The following TBC1D22A variants were observed in gnomAD, a reference collection of about 807,000 sequenced individuals.
TBC1D22A encodes the protein putative GTPase activator.
TBC1D22A carries 38 observed loss-of-function variants against 60.2 expected under a neutral mutation model. The ratio of observed to expected loss-of-function variants is 0.63; its 90% CI spans 0.49 to 0.83. The LOEUF (loss-of-function observed/expected upper bound fraction) is 0.83. TBC1D22A is among the 40% of genes least tolerant of loss of function. TBC1D22A has a pLI of 0.00. For missense variants in TBC1D22A, 628 were observed against 701.0 expected, an observed-to-expected ratio of 0.90 and a Z score of 1.18; for synonymous variants, 302 against 281.7, an observed-to-expected ratio of 1.07 and a Z score of -0.72.
At chr22:47,024,689 T>TA (rs1038804046) in intron 10 of TBC1D22A, among the ~76,000 whole-genome samples, 3 of 151,212 alleles carry the variant, frequency 2.0e-5, no homozygotes, top group African/African-American at 7.3e-5. Flanking sequence ...CCCCGTCTCT[T>TA]AAAAAAAAAT....
intron 8 of TBC1D22A, among the ~76,000 whole-genome samples, chr22:46,972,515 T>G (rs2074108968): frequency 6.6e-6 from 1 of 152,138 alleles, no homozygotes; most frequent in Non-Finnish European, 1.5e-5. Context: ...TGGAGAACAT[T>G]GTGCTCAGTG....
intron 12 of TBC1D22A, among the ~76,000 whole-genome samples, chr22:47,127,229 C>CT (rs66495419): frequency 0.021 from 2,210 of 105,468 alleles, 103 homozygotes; most frequent in African/African-American, 0.067. Context: ...TTCTTTTTCT[C>CT]TTTTTTTTTT....
chr22:46,800,103 G>A (rs892092590), intron 4 of TBC1D22A, among the ~76,000 whole-genome samples: 1 of 152,156 alleles, frequency 6.6e-6, no homozygotes, highest in Non-Finnish European at 1.5e-5. Context: ...AGTCTTTAGA[G>A]TGCCCTGTAA....
At chr22:47,157,640 GGCCGT>G (rs2067779205) in intron 12 of TBC1D22A, among the ~76,000 whole-genome samples, 1 of 152,222 alleles carries the variant, frequency 6.6e-6, no homozygotes, top group African/African-American at 2.4e-5. Context: ...AGCTCCGTGT[GGCCGT>G]GCAGTTGCCC....
chr22:47,067,174 G>A (rs34641758), intron 11 of TBC1D22A, among the ~76,000 whole-genome samples: 41,060 of 152,046 alleles, frequency 0.27, 6,158 homozygotes, highest in East Asian at 0.57. Context: ...GCTGAGGCAC[G>A]AGAATCACTT....
At chr22:47,161,808 C>T (rs979420888) in intron 12 of TBC1D22A, among the ~76,000 whole-genome samples, 1 of 152,234 alleles carries the variant, frequency 6.6e-6, no homozygotes, top group African/African-American at 2.4e-5. Flanking sequence ...AGCTCTCTAG[C>T]GTCCGCGAAT....
intron 11 of TBC1D22A, among the ~76,000 whole-genome samples, chr22:47,083,567 G>A (rs967835836): frequency 7.2e-5 from 11 of 152,172 alleles, no homozygotes; most frequent in Admixed American, 1.3e-4. Context: ...AGAGGGCGCC[G>A]TCCTCAGTGA....
chr22:46,992,909 C>A (rs961683262), intron 9 of TBC1D22A, among the ~76,000 whole-genome samples: 5 of 152,046 alleles, frequency 3.3e-5, no homozygotes, highest in Non-Finnish European at 7.3e-5. Flanking sequence ...GCAGAAAAGA[C>A]TTCCCGAGGT....
At chr22:46,913,459 A>T in intron 8 of TBC1D22A, 1 of 1,352,174 alleles carries the variant, frequency 7.4e-7, no homozygotes, top group South Asian at 1.2e-5. Context: ...AGTGAATTTT[A>T]CTGCAGCCCT....
chr22:47,139,205 C>T (rs1468280853), intron 12 of TBC1D22A, among the ~76,000 whole-genome samples: 1 of 152,230 alleles, frequency 6.6e-6, no homozygotes, highest in Non-Finnish European at 1.5e-5. Context: ...GCTCCTGCAG[C>T]GACCAGTCAG....
intron 9 of TBC1D22A, among the ~76,000 whole-genome samples, chr22:46,984,367 A>C (rs1330213065): frequency 3.1e-5 from 1 of 32,612 alleles, no homozygotes; most frequent in Non-Finnish European, 5.2e-5. Flanking sequence ...ACTCCATCTC[A>C]AAAAAAAAAA....
At chr22:46,813,982 C>T (rs1262299133) in intron 4 of TBC1D22A, among the ~76,000 whole-genome samples, 1 of 152,216 alleles carries the variant, frequency 6.6e-6, no homozygotes, top group Non-Finnish European at 1.5e-5. Context: ...CTTCCAGGAG[C>T]CTTGGTGGCG....
At position 47,173,714 on chromosome 22, in the gene TBC1D22A, G is replaced by C. The variant is rs576732383; in HGVS notation, c.*88G>C. On this transcript the variant is annotated 3_prime_UTR_variant, in exon 13 of 13. Transcript: ENST00000337137. ...TGGTAGGCCCCTGTGAGCTGGTCCC[G>C]GGCTGCTAAAAGGCCTTGTGAGGTG... The C allele has an allele frequency of 6.3e-6, 10 of 1,585,536 alleles. No homozygotes were observed. In the South Asian group the frequency reaches 1.1e-4, roughly 18 times the overall value.
chr22:47,170,967 C>T lies in TBC1D22A; in HGVS notation c.1426-2531C>T, dbSNP rs538827268. 1.9e-4 allele frequency among the ~76,000 whole-genome samples: 29 copies of T among 152,298 alleles called. No individual in the cohort carries two copies. The South Asian group carries it at 4.8e-3, about 25-fold the overall frequency. On this transcript the variant is annotated intron_variant, in intron 12 of 12. Coordinates refer to ENST00000337137, the MANE Select transcript of TBC1D22A (RefSeq NM_014346.5). ...ATGGAGAGCGCAGCTCCGGGATGGC[C>T]GGGGGGCCTGCCTCAGTGAGGGTGG... is the stretch of plus-strand genomic sequence containing the variant.
intron 4 of TBC1D22A, among the ~76,000 whole-genome samples, chr22:46,868,181 G>T (rs1042886993): frequency 6.6e-6 from 1 of 152,162 alleles, no homozygotes; most frequent in Non-Finnish European, 1.5e-5. Flanking sequence ...GGGAATAAGT[G>T]TAAGAAAATG....
chr22:46,826,137 T>A (rs1042723396), intron 4 of TBC1D22A, among the ~76,000 whole-genome samples: 1 of 151,724 alleles, frequency 6.6e-6, no homozygotes, highest in Non-Finnish European at 1.5e-5. Flanking sequence ...CACCTTGGCC[T>A]CCCAAAGTGC....
chr22:47,023,219 C>G (rs2062147252), intron 10 of TBC1D22A, among the ~76,000 whole-genome samples: 1 of 151,994 alleles, frequency 6.6e-6, no homozygotes, highest in Non-Finnish European at 1.5e-5. Flanking sequence ...GAGGAAAGAC[C>G]ATGTCTTAAA....
chr22:46,864,679 A>C (rs1430117067), intron 4 of TBC1D22A, among the ~76,000 whole-genome samples: 2 of 152,122 alleles, frequency 1.3e-5, no homozygotes, highest in African/African-American at 4.8e-5. Context: ...TAATTATTCC[A>C]TTTTGAAAGC....
chr22:47,116,255 T>C (rs1254749927), intron 12 of TBC1D22A: 1 of 152,242 alleles, frequency 6.6e-6, no homozygotes, highest in African/African-American at 2.4e-5. Flanking sequence ...GCTGGGACCG[T>C]TGTTTTTAAT....
Sources: allele counts gnomAD v4.1 joint callset (sites outside exome capture counted in the v4.1 genomes callset), GRCh38; gene constraint gnomAD v4.1.1; transcripts MANE v1.5; gene names NCBI Gene and HGNC (gene_info 2026-07-23, HGNC 2026-07-21).